Variants in PIWIL2 observed in about 807,000 individuals in gnomAD.
The protein encoded by PIWIL2 is piwi-like protein 2.
In PIWIL2, 81 loss-of-function variants were observed where a neutral mutation model predicts 116.5. That is an observed-to-expected ratio of 0.70 (90% CI 0.58 to 0.84). The LOEUF is 0.84. Among genes scored for constraint, PIWIL2 ranks in the 40% least tolerant of loss-of-function variants. PIWIL2 has a pLI of 0.00. For synonymous variants in PIWIL2, 489 were observed against 429.5 expected (o/e 1.14, Z -1.71); for missense variants, 1,272 against 1,212.3 (o/e 1.05, Z -0.73).
At chr8:22,343,433 C>G (rs1373498187) in intron 20 of PIWIL2, among the ~76,000 whole-genome samples, 1 of 148,366 alleles carries the variant, frequency 6.7e-6, no homozygotes, top group Non-Finnish European at 1.5e-5. Context: ...GAAACTCCAT[C>G]TCAAAAAAAA....
In PIWIL2 at chr8:22,356,859, TTC is replaced by T. The variant is rs1554507866; in HGVS notation, c.*1355_*1356del. The T allele has an allele frequency of 6.6e-6, 1 of 152,106 alleles. No individual in the cohort carries two copies. The highest frequency in any genetic ancestry group is 6.6e-5 in the Admixed American group (1 of 15,260). The allele number at this position is 152,106 out of a possible 1,614,324, so 9.4% of individuals were successfully genotyped here. A position where few individuals can be genotyped will look rare whatever the true frequency, so the allele number is the denominator to read the frequency against. On this transcript the variant is annotated 3_prime_UTR_variant, in exon 23 of 23. Transcript: ENST00000356766. ...GAAACCCGTTTTTTTCTGGTTTTTT[TTC>T]CCCCCTCTCCATTTTAGAATCTTCT...
rs71544885 is a variant in PIWIL2, at chr8:22,351,440, CATATATATATATATATATATATAT to C, written c.2404-1499_2404-1476del. On this transcript the variant is annotated intron_variant, in intron 20 of 22. Coordinates refer to ENST00000356766, the MANE Select transcript of PIWIL2 (RefSeq NM_018068.5). ...ACCTGTAAGGAACAGTGCATACATA[CATATATATATATATATATATATAT>C]ATATATATATATATATATAATTTAT... 5.1e-3 allele frequency among the ~76,000 whole-genome samples: 268 copies of C among 52,964 alleles called. 5 individuals carry two copies. The highest frequency in any genetic ancestry group is 0.013 in the African/African-American group (225 of 17,918). The allele number at this position is 52,964 out of a possible 152,430, so 34.7% of individuals were successfully genotyped here. A position where few individuals can be genotyped will look rare whatever the true frequency, so the allele number is the denominator to read the frequency against.
At chr8:22,301,345 A>G (rs1831044157) in intron 10 of PIWIL2, among the ~76,000 whole-genome samples, 1 of 151,718 alleles carries the variant, frequency 6.6e-6, no homozygotes, top group African/African-American at 2.4e-5. Context: ...TTCACCCAGG[A>G]TGGAGTGCAG....
chr8:22,317,387 C>T (rs1043465081), intron 19 of PIWIL2, among the ~76,000 whole-genome samples: 1 of 151,554 alleles, frequency 6.6e-6, no homozygotes, highest in Non-Finnish European at 1.5e-5. Flanking sequence ...ATATATATCT[C>T]TGAAACACAC....
chr8:22,343,311 G>A (rs949460071), intron 20 of PIWIL2, among the ~76,000 whole-genome samples: 8 of 152,182 alleles, frequency 5.3e-5, no homozygotes, highest in Non-Finnish European at 1.0e-4. Flanking sequence ...GCGCATGCCT[G>A]TAATCGCAGC....
chr8:22,304,238 C>T (rs747119854), intron 11 of PIWIL2, 29 bp downstream of exon 11: 2 of 1,529,436 alleles, frequency 1.3e-6, no homozygotes, highest in Non-Finnish European at 1.8e-6. Flanking sequence ...GTTTGGGCCT[C>T]AGGGTGGGGG....
Position 22,311,162 on chromosome 8 carries a change from G to A in PIWIL2, c.1851G>A (p.Gln617=), listed in dbSNP as rs1197811429. The part of the protein sequence containing the change: ...ALFYPKRAMD[Q]ARELVNMLEK... The stretch of plus-strand genomic sequence containing the variant: ...TTTACCCAAAGAGAGCAATGGACCA[G>A]GCTCGAGAACTGGTCAACATGTTGG... The change falls in exon 16 of 23, where the codon CAG becomes CAA. Residue 617 remains glutamine (Q), a synonymous_variant. Coordinates refer to ENST00000356766, the MANE Select transcript of PIWIL2 (RefSeq NM_018068.5). 6.2e-7 allele frequency: 1 copy of A among 1,614,150 alleles called. No individual in the cohort carries two copies.
intron 21 of PIWIL2, 123 bp from the exon 22 acceptor site, chr8:22,354,148 C>T: frequency 1.5e-6 from 1 of 672,518 alleles, no homozygotes; most frequent in Non-Finnish European, 2.7e-6. Flanking sequence ...CCTCTGTGTC[C>T]TTGATCCAGT....
intron 20 of PIWIL2, among the ~76,000 whole-genome samples, chr8:22,323,007 C>G (rs905839381): frequency 6.6e-6 from 1 of 151,826 alleles, no homozygotes; most frequent in Non-Finnish European, 1.5e-5. Context: ...ACTTCCGCCT[C>G]CCCGGTTCAA....
At chr8:22,303,210 T>C (rs1279424544) in intron 10 of PIWIL2, among the ~76,000 whole-genome samples, 1 of 152,074 alleles carries the variant, frequency 6.6e-6, no homozygotes, top group East Asian at 1.9e-4. Flanking sequence ...CCTATAGATG[T>C]GAGGAAACTG....
At chr8:22,334,985 A>G (rs1323508095) in intron 20 of PIWIL2, among the ~76,000 whole-genome samples, 5 of 150,248 alleles carry the variant, frequency 3.3e-5, no homozygotes, top group African/African-American at 1.2e-4. Context: ...AACCCAGGAG[A>G]TGGAGGTTGC....
chr8:22,286,662 C>G (rs765753449), intron 6 of PIWIL2, among the ~76,000 whole-genome samples: 1 of 152,034 alleles, frequency 6.6e-6, no homozygotes, highest in South Asian at 2.1e-4. Context: ...CACTCTGTTG[C>G]GCAGGCCGGA....
intron 6 of PIWIL2, among the ~76,000 whole-genome samples, chr8:22,286,772 C>A (rs1830638321): frequency 6.6e-6 from 1 of 151,978 alleles, no homozygotes; most frequent in African/African-American, 2.4e-5. Flanking sequence ...CAACCACATG[C>A]CACCACACCC....
At chr8:22,312,473 C>G (rs1482896183) in intron 16 of PIWIL2, among the ~76,000 whole-genome samples, 12 of 152,036 alleles carry the variant, frequency 7.9e-5, no homozygotes, top group Admixed American at 7.9e-4. Context: ...ACTATGTTGC[C>G]CAGGCTGGTC....
chr8:22,278,529 T>G (rs1017530329), intron 1 of PIWIL2, among the ~76,000 whole-genome samples: 1 of 152,132 alleles, frequency 6.6e-6, no homozygotes, highest in Non-Finnish European at 1.5e-5. Context: ...AAAAACTGCT[T>G]CCTTATACAA....
chr8:22,334,528 AAAAAG>A (rs1212489275), intron 20 of PIWIL2, among the ~76,000 whole-genome samples: 1 of 151,178 alleles, frequency 6.6e-6, no homozygotes, highest in African/African-American at 2.4e-5. Flanking sequence ...TCAAAAAAAA[AAAAAG>A]AAAAGAAAAT....
rs149629935 is a variant in PIWIL2 at position 22,287,428 on chromosome 8, T to C, written c.744-100T>C. On this transcript the variant is annotated intron_variant, in intron 6 of 22. Coordinates refer to ENST00000356766, the MANE Select transcript of PIWIL2 (RefSeq NM_018068.5). ...GATAATTTTTAATATGCCCGCTAGA[T>C]GGAGCAGCAGTTACTGGGTAACTAG... The C allele has an allele frequency of 1.8e-3, 1,418 of 788,394 alleles. 18 individuals carry two copies. The African/African-American group carries it at 0.021, about 12-fold the overall frequency. 48.8% of individuals were successfully genotyped at this position (788,394 alleles called of 1,614,324 possible).
intron 14 of PIWIL2, among the ~76,000 whole-genome samples, chr8:22,308,464 C>G (rs1198472030): frequency 2.0e-5 from 3 of 151,954 alleles, no homozygotes; most frequent in East Asian, 2.0e-4. Context: ...AAGAGCCTGG[C>G]CAGCATGGTA....
At position 22,326,879 on chromosome 8, in the gene PIWIL2, T is replaced by C. The variant is rs925195285; in HGVS notation, c.2403+8604T>C. On this transcript the variant is annotated intron_variant, in intron 20 of 22. Coordinates refer to ENST00000356766, the MANE Select transcript of PIWIL2 (RefSeq NM_018068.5). ...ACCTAGGAGTGAAATTACAGGGTCA[T>C]ATAGTAGTTCTGTGTTTAACGTTTA... Among the ~76,000 whole-genome samples the C allele has an allele frequency of 2.0e-5, 3 of 152,172 alleles. No homozygotes were observed. The South Asian group carries it at 6.2e-4, about 31-fold the overall frequency.
Sources: allele counts gnomAD v4.1 joint callset (sites outside exome capture counted in the v4.1 genomes callset), GRCh38; gene constraint gnomAD v4.1.1; transcripts MANE v1.5; gene names NCBI Gene and HGNC (gene_info 2026-07-23, HGNC 2026-07-21).